ZNF831: variants seen among roughly 807,000 people sequenced by gnomAD.
The protein encoded by ZNF831 is chromosome 20 open reading frame 174.
In ZNF831, 59 loss-of-function variants were observed where a neutral mutation model predicts 95.8. The observed-to-expected ratio is 0.62, with a 90% CI of 0.50 to 0.77. The LOEUF (loss-of-function observed/expected upper bound fraction) is 0.77, where lower values mean the gene tolerates loss of function less well. Among genes scored for constraint, ZNF831 ranks in the 30% least tolerant of loss-of-function variants. The pLI is 0.00. For missense variants in ZNF831, 2,205 were observed against 2,164.0 expected (o/e 1.02, Z -0.38); for synonymous variants, 961 against 925.5 (o/e 1.04, Z -0.70).
chr20:59,236,165 G>T (rs1986988610), intron 4 of ZNF831, among the ~76,000 whole-genome samples: 1 of 152,158 alleles, frequency 6.6e-6, no homozygotes. Context: ...TCCCTCCAAA[G>T]TCAGGAGACA....
intron 4 of ZNF831, among the ~76,000 whole-genome samples, chr20:59,212,811 C>T (rs966964403): frequency 6.6e-6 from 1 of 152,188 alleles, no homozygotes; most frequent in Non-Finnish European, 1.5e-5. Flanking sequence ...ATTTAGACCC[C>T]ATTCAATTCT....
chr20:59,139,170 T>C (rs260019), intron 1 of ZNF831, among the ~76,000 whole-genome samples: 102,954 of 152,034 alleles, frequency 0.68, 35,842 homozygotes, highest in African/African-American at 0.84. Context: ...TGTTATTTTC[T>C]GCTTAGGCCT....
intron 1 of ZNF831, among the ~76,000 whole-genome samples, chr20:59,173,710 A>G (rs1746586327): frequency 6.6e-6 from 1 of 152,200 alleles, no homozygotes. Flanking sequence ...CAACCACACT[A>G]GTCCCTAAAT....
intron 1 of ZNF831, among the ~76,000 whole-genome samples, chr20:59,125,006 G>C (rs1464473907): frequency 1.3e-5 from 2 of 152,202 alleles, no homozygotes; most frequent in Non-Finnish European, 2.9e-5. Context: ...TGGCCAGTGA[G>C]GCAAAGATAA....
intron 2 of ZNF831, among the ~76,000 whole-genome samples, chr20:59,153,929 G>A (rs533405390): frequency 6.6e-6 from 1 of 152,274 alleles, no homozygotes; most frequent in Non-Finnish European, 1.5e-5. Flanking sequence ...GTCATTACAG[G>A]GCATTGTCCT....
upstream of ZNF831, among the ~76,000 whole-genome samples, chr20:59,163,393 G>A (rs914578909): frequency 2.6e-5 from 4 of 152,076 alleles, no homozygotes; most frequent in African/African-American, 9.7e-5. Context: ...AATCCATGTT[G>A]AACAAAATAT....
chr20:59,206,993 C>G lies in ZNF831; in HGVS notation c.3964C>G (p.Pro1322Ala). ...CTGGGTGCGAAGAAGAAGCCGCCAC[C>G]CTCCCGCACTTGAGGGACTGAAGCC... ...PTWVRRRSRHPPALEGLKPCR... is the reference protein window; with the variant it reads ...PTWVRRRSRHAPALEGLKPCR... Residue 1322 changes from proline (P) to alanine (A), a missense_variant, in exon 4 of 6, where the codon CCT becomes GCT. Transcript: ENST00000371030. 4.3e-6 allele frequency: 7 copies of G among 1,614,216 alleles called. No homozygotes were observed. Among genetic ancestry groups the G allele is most frequent in the Non-Finnish European group, 5.9e-6 (7 of 1,180,050 alleles).
intron 1 of ZNF831, among the ~76,000 whole-genome samples, chr20:59,174,329 G>C (rs1039266250): frequency 6.6e-6 from 1 of 152,068 alleles, no homozygotes; most frequent in Middle Eastern, 3.2e-3. Context: ...GGTTCAGGCT[G>C]GTTCTCTCAG....
rs75520002 is a variant in ZNF831 at position 59,214,312 on chromosome 20, A to G, written c.4027+7256A>G. ...GTTGTTATGGTGAGGATTAAGCAAG[A>G]TAGTGGAGTTGTGTCTTCTTGGGTC... On this transcript the variant is annotated intron_variant, in intron 4 of 5. Transcript: ENST00000371030. 3.1e-3 allele frequency among the ~76,000 whole-genome samples: 474 copies of G among 152,328 alleles called. 5 individuals carry two copies. Among genetic ancestry groups the G allele is most frequent in the African/African-American group, 0.011 (447 of 41,568 alleles).
In ZNF831 at chr20:59,144,906, G is replaced by C. The variant is rs563552269; in HGVS notation, c.-1424-1325G>C. Among the ~76,000 whole-genome samples, 5 of 152,300 alleles carry C rather than the reference G, an allele frequency of 3.3e-5. No individual in the cohort carries two copies. In the East Asian group the frequency reaches 9.7e-4, roughly 29 times the overall value. Reference sequence around the variant, plus strand: ...TAGTGTCCAGAAGACTGTCTGGAGGGCTCTTGGGCAGGGAGGGCCTGTGAA... The same window carrying C: ...TAGTGTCCAGAAGACTGTCTGGAGGCCTCTTGGGCAGGGAGGGCCTGTGAA... On this transcript the variant is annotated intron_variant, in intron 1 of 7. Transcript: ENST00000637017.
Position 59,226,062 on chromosome 20 carries a change from C to T in ZNF831, c.4027+19006C>T, listed in dbSNP as rs547463240. Among the ~76,000 whole-genome samples, 3 of 152,274 alleles carry T rather than the reference C, an allele frequency of 2.0e-5. No homozygotes were observed. The South Asian group carries it at 6.2e-4, about 32-fold the overall frequency. ...ATTATACCTACTTTCTGTTCAAAAT[C>T]CCATCATCAGTGTGGGTCTTATGCC... On this transcript the variant is annotated intron_variant, in intron 4 of 5. Coordinates refer to ENST00000371030, the MANE Select transcript of ZNF831 (RefSeq NM_178457.3).
chr20:59,133,905 T>A (rs1311075503), intron 1 of ZNF831, among the ~76,000 whole-genome samples: 1 of 152,216 alleles, frequency 6.6e-6, no homozygotes, highest in Non-Finnish European at 1.5e-5. Context: ...TGCCATCAAG[T>A]GCAGGTCACT....
chr20:59,244,275 A>T (rs1323318336), intron 4 of ZNF831, among the ~76,000 whole-genome samples: 2 of 152,214 alleles, frequency 1.3e-5, no homozygotes, highest in African/African-American at 4.8e-5. Context: ...AGAGGTGGAA[A>T]AAATATATTT....
intron 1 of ZNF831, among the ~76,000 whole-genome samples, chr20:59,139,296 A>G (rs771174896): frequency 6.6e-6 from 1 of 152,120 alleles, no homozygotes; most frequent in Non-Finnish European, 1.5e-5. Context: ...GTTGAAGGGC[A>G]TTTATTTATA....
At chr20:59,162,324 T>G (rs1332418536), upstream of ZNF831, among the ~76,000 whole-genome samples, 1 of 152,238 alleles carries the variant, frequency 6.6e-6, no homozygotes, top group African/African-American at 2.4e-5. Context: ...TTAAATTCTT[T>G]GTCTAGGCTG....
chr20:59,196,621 C>G (rs944155222), intron 3 of ZNF831, among the ~76,000 whole-genome samples: 9 of 152,152 alleles, frequency 5.9e-5, no homozygotes, highest in Admixed American at 6.5e-5. Flanking sequence ...AACCCCTGCC[C>G]TCTTTCTACC....
intron 2 of ZNF831, among the ~76,000 whole-genome samples, chr20:59,151,762 G>C (rs1229554762): frequency 6.6e-6 from 1 of 152,334 alleles, no homozygotes; most frequent in East Asian, 1.9e-4. Context: ...TAGTAGGTTT[G>C]CCTCAAATAC....
intron 3 of ZNF831, among the ~76,000 whole-genome samples, chr20:59,201,905 C>T (rs1230886477): frequency 1.3e-5 from 2 of 152,154 alleles, no homozygotes; most frequent in African/African-American, 4.8e-5. Context: ...ATTTTTCATA[C>T]AGGCTCAAAG....
chr20:59,186,961 T>G (rs1385774667), intron 1 of ZNF831, among the ~76,000 whole-genome samples: 4 of 149,880 alleles, frequency 2.7e-5, no homozygotes, highest in African/African-American at 9.8e-5. Flanking sequence ...AAAAAAGGAC[T>G]GACTTGTAGC....
Sources: allele counts gnomAD v4.1 joint callset (sites outside exome capture counted in the v4.1 genomes callset), GRCh38; gene constraint gnomAD v4.1.1; transcripts MANE v1.5; gene names NCBI Gene and HGNC (gene_info 2026-07-23, HGNC 2026-07-21).